GSAP: variants seen among roughly 807,000 people sequenced by gnomAD.
GSAP encodes the protein gamma-secretase activating protein.
A neutral mutation model predicts 131.7 loss-of-function variants in GSAP; 118 were observed. The ratio of observed to expected loss-of-function variants is 0.90; its 90% CI spans 0.77 to 1.04. The LOEUF is 1.04. Ranked by LOEUF, GSAP falls within the 50% of genes least tolerant of loss-of-function variation. The pLI is 0.00. For synonymous variants in GSAP, 381 were observed against 363.4 expected, an observed-to-expected ratio of 1.05 and a Z score of -0.55; for missense variants, 1,019 against 1,013.2, an observed-to-expected ratio of 1.01 and a Z score of -0.08.
intron 19 of GSAP, among the ~76,000 whole-genome samples, chr7:77,348,478 C>T (rs1211371670): frequency 1.3e-5 from 2 of 152,064 alleles, no homozygotes; most frequent in Non-Finnish European, 2.9e-5. Context: ...CCTAAAATGC[C>T]ACAGCCTTCC....
intron 25 of GSAP, among the ~76,000 whole-genome samples, 182 bp downstream of exon 25, chr7:77,321,151 T>C (rs1365522404): frequency 6.6e-6 from 1 of 152,206 alleles, no homozygotes; most frequent in East Asian, 1.9e-4. Context: ...TAGCTTTTAT[T>C]ATACATTAAA....
At chr7:77,330,413 G>A (rs1289802481) in intron 19 of GSAP, 46 bp from the exon 20 acceptor site, 1 of 1,600,908 alleles carries the variant, frequency 6.2e-7, no homozygotes. Flanking sequence ...CAGGCCCAGT[G>A]GCCCAAACCA....
chr7:77,349,276 G>A, intron 19 of GSAP, 75 bp downstream of exon 19: 1 of 1,215,596 alleles, frequency 8.2e-7, no homozygotes. Context: ...ATCCCTTTTG[G>A]AACCACCATA....
intron 1 of GSAP, among the ~76,000 whole-genome samples, chr7:77,411,973 G>A (rs10258948): frequency 0.65 from 98,446 of 152,038 alleles, 32,488 homozygotes; most frequent in East Asian, 0.89. Context: ...GAGGTCAAGA[G>A]TTCAATACCA....
Position 77,355,593 on chromosome 7 carries a change from T to G in GSAP, c.1082A>C (p.Gln361Pro). ...PGHFFHLLNVQHPDLICHNLF... is the reference protein window; with the variant it reads ...PGHFFHLLNVPHPDLICHNLF... Reference sequence around the variant, plus strand: ...ATTGTGGCAGATCAGGTCTGGATGTTGAACATTAAGTAGGTGGAAGAAATG... The same window carrying G: ...ATTGTGGCAGATCAGGTCTGGATGTGGAACATTAAGTAGGTGGAAGAAATG... Residue 361 changes from glutamine to proline, a missense_variant, in exon 15 of 31, where the codon CAA becomes CCA. Coordinates refer to ENST00000257626, the MANE Select transcript of GSAP (RefSeq NM_017439.4). 1.2e-6 allele frequency: 2 copies of G among 1,611,640 alleles called. No homozygotes were observed. Among genetic ancestry groups the G allele is most frequent in the Non-Finnish European group, 1.7e-6 (2 of 1,177,770 alleles).
At chr7:77,344,405 C>T (rs990400494) in intron 19 of GSAP, among the ~76,000 whole-genome samples, 7 of 152,318 alleles carry the variant, frequency 4.6e-5, no homozygotes, top group Middle Eastern at 3.4e-3. Flanking sequence ...GGCCTGTCCT[C>T]GGGATGCTAC....
At chr7:77,345,379 A>C (rs1483429354) in intron 19 of GSAP, among the ~76,000 whole-genome samples, 1 of 152,104 alleles carries the variant, frequency 6.6e-6, no homozygotes, top group East Asian at 1.9e-4. Context: ...ATCACCCCCA[A>C]AAAATTTTTG....
At chr7:77,369,716 G>C (rs977118152) in intron 12 of GSAP, among the ~76,000 whole-genome samples, 3 of 152,144 alleles carry the variant, frequency 2.0e-5, no homozygotes, top group Non-Finnish European at 1.5e-5. Context: ...GTCACATTTA[G>C]ATTATACTCT....
chr7:77,324,935 G>A (rs932118056), intron 23 of GSAP, among the ~76,000 whole-genome samples: 1 of 147,770 alleles, frequency 6.8e-6, no homozygotes, highest in African/African-American at 2.5e-5. Context: ...TCATGCCTCA[G>A]CCTCCCAGTA....
At chr7:77,414,895 T>C (rs1181300246) in intron 1 of GSAP, among the ~76,000 whole-genome samples, 1 of 122,496 alleles carries the variant, frequency 8.2e-6, no homozygotes, top group African/African-American at 3.2e-5. Context: ...ACTTACTCTG[T>C]TGCCCAGGCT....
At chr7:77,393,768 G>A (rs1158528767) in intron 5 of GSAP, among the ~76,000 whole-genome samples, 1 of 150,834 alleles carries the variant, frequency 6.6e-6, no homozygotes, top group Non-Finnish European at 1.5e-5. Context: ...TTATTTCCTG[G>A]GATCAAGCAA....
At chr7:77,389,753 T>C (rs1228598657) in intron 5 of GSAP, among the ~76,000 whole-genome samples, 1 of 152,230 alleles carries the variant, frequency 6.6e-6, no homozygotes, top group African/African-American at 2.4e-5. Context: ...TATGTGTGCA[T>C]GTGTCTTTAT....
intron 9 of GSAP, 23 bp from the exon 10 acceptor site, chr7:77,376,930 A>C: frequency 7.8e-7 from 1 of 1,279,364 alleles, no homozygotes; most frequent in Non-Finnish European, 1.1e-6. Context: ...ACAGAATGGC[A>C]TATTAAAAAA....
intron 14 of GSAP, among the ~76,000 whole-genome samples, chr7:77,359,414 CAT>C (rs1278524147): frequency 2.0e-5 from 3 of 152,066 alleles, no homozygotes; most frequent in Non-Finnish European, 1.5e-5. Context: ...TATTTATAAA[CAT>C]ATCTTTCTTA....
intron 19 of GSAP, among the ~76,000 whole-genome samples, chr7:77,342,260 T>TA (rs1374467992): frequency 6.6e-6 from 1 of 152,176 alleles, no homozygotes; most frequent in African/African-American, 2.4e-5. Flanking sequence ...GCCCCCTTCT[T>TA]AATCAATACA....
At chr7:77,319,371 G>C (rs1787308474) in intron 26 of GSAP, among the ~76,000 whole-genome samples, 1 of 152,128 alleles carries the variant, frequency 6.6e-6, no homozygotes, top group Admixed American at 6.5e-5. Context: ...CTCTCAGGTT[G>C]GCTACTATCA....
intron 19 of GSAP, among the ~76,000 whole-genome samples, chr7:77,333,518 C>T (rs1789479974): frequency 6.6e-6 from 1 of 152,106 alleles, no homozygotes; most frequent in Non-Finnish European, 1.5e-5. Context: ...TTACAAGTTC[C>T]CCCAAGGCAT....
At chr7:77,357,823 A>G (rs188259073) in intron 14 of GSAP, among the ~76,000 whole-genome samples, 2 of 151,972 alleles carry the variant, frequency 1.3e-5, no homozygotes, top group African/African-American at 2.4e-5. Context: ...CCCCTTCAAG[A>G]CTCATTTCGA....
intron 10 of GSAP, among the ~76,000 whole-genome samples, chr7:77,375,706 TGGTGACA>T (rs1376916934): frequency 6.6e-6 from 1 of 152,018 alleles, no homozygotes; most frequent in Non-Finnish European, 1.5e-5. Context: ...TAGCTGGTCA[TGGTGACA>T]GGTGCCTGTA....
Sources: gnomAD v4.1 joint callset for allele counts (sites outside exome capture counted in the v4.1 genomes callset) on GRCh38, gnomAD v4.1.1 for gene constraint, MANE v1.5 for transcripts, NCBI Gene and HGNC (gene_info 2026-07-23, HGNC 2026-07-21) for gene names.